The following ACOXL variants were observed in gnomAD, a reference collection of about 807,000 sequenced individuals.
ACOXL encodes acyl-CoA oxidase like.
Under a neutral mutation model 71.9 loss-of-function variants are expected in ACOXL, and 70 were observed. That is an observed-to-expected ratio of 0.97 (90% confidence interval 0.80 to 1.19). ACOXL has a LOEUF of 1.19. ACOXL is among the 50% of genes most tolerant of loss of function. The probability of loss-of-function intolerance (pLI) is 0.00; values close to 1 mark genes in which losing one functional copy is unlikely to be tolerated. For synonymous variants in ACOXL, 253 were observed against 281.6 expected, an observed-to-expected ratio of 0.90 and a Z score of 1.02; for missense variants, 703 against 736.3, an observed-to-expected ratio of 0.95 and a Z score of 0.52.
At chr2:110,859,076 G>C (rs1369648317) in intron 10 of ACOXL, among the ~76,000 whole-genome samples, 6 of 152,190 alleles carry the variant, frequency 3.9e-5, no homozygotes. Context: ...CTGCGTTTAG[G>C]ATACGTTCAA....
intron 16 of ACOXL, among the ~76,000 whole-genome samples, chr2:111,090,351 C>T (rs751835400): frequency 1.6e-4 from 24 of 152,134 alleles, no homozygotes; most frequent in Non-Finnish European, 3.1e-4. Context: ...GCTCCCATCT[C>T]TGGAACACAA....
At chr2:110,826,967 G>A (rs564525067) in intron 9 of ACOXL, among the ~76,000 whole-genome samples, 1 of 152,268 alleles carries the variant, frequency 6.6e-6, no homozygotes, top group East Asian at 1.9e-4. Context: ...GAGATGTGGT[G>A]TGGTGGCACC....
intron 1 of ACOXL, among the ~76,000 whole-genome samples, chr2:110,767,947 C>T (rs1390548446): frequency 6.7e-6 from 1 of 149,888 alleles, no homozygotes; most frequent in South Asian, 2.1e-4. Context: ...CACACACACA[C>T]ACACACACAC....
At chr2:110,832,831 T>A (rs1318413168) in intron 9 of ACOXL, among the ~76,000 whole-genome samples, 1 of 152,212 alleles carries the variant, frequency 6.6e-6, no homozygotes, top group African/African-American at 2.4e-5. Flanking sequence ...AAAAGATGTT[T>A]AACATCACTA....
At chr2:111,011,902 AAAAG>A (rs2064185799) in intron 14 of ACOXL, among the ~76,000 whole-genome samples, 2 of 132,772 alleles carry the variant, frequency 1.5e-5, no homozygotes, top group Non-Finnish European at 3.3e-5. Flanking sequence ...AAAAAAAAAA[AAAAG>A]GAGTGTATTA....
At chr2:111,108,620 G>T (rs1020006492) in intron 17 of ACOXL, among the ~76,000 whole-genome samples, 1 of 152,084 alleles carries the variant, frequency 6.6e-6, no homozygotes, top group African/African-American at 2.4e-5. Flanking sequence ...AGGTGATACC[G>T]CCCGCCTTGG....
chr2:111,028,398 T>G (rs188354322), intron 14 of ACOXL, among the ~76,000 whole-genome samples: 2 of 151,956 alleles, frequency 1.3e-5, no homozygotes, highest in Admixed American at 1.3e-4. Context: ...CTCAGCCCTC[T>G]GAGCTCCTCG....
intron 5 of ACOXL, 131 bp downstream of exon 5, chr2:110,794,305 C>G (rs568326355): frequency 7.4e-6 from 6 of 812,682 alleles, no homozygotes; most frequent in Non-Finnish European, 1.2e-5. Context: ...AGATTCAGAT[C>G]AAATGCCTAA....
intron 10 of ACOXL, among the ~76,000 whole-genome samples, chr2:110,903,404 T>G (rs2059321816): frequency 6.6e-6 from 1 of 152,242 alleles, no homozygotes; most frequent in South Asian, 2.1e-4. Context: ...GTTGCTGGAA[T>G]CTAGAAATAG....
At chr2:110,738,353 C>T (rs1278982187) in intron 1 of ACOXL, among the ~76,000 whole-genome samples, 1 of 152,188 alleles carries the variant, frequency 6.6e-6, no homozygotes, top group Non-Finnish European at 1.5e-5. Flanking sequence ...CATAGATAAC[C>T]AAAACAGTCT....
intron 16 of ACOXL, among the ~76,000 whole-genome samples, chr2:111,050,366 C>T (rs576377246): frequency 2.6e-5 from 4 of 152,066 alleles, no homozygotes; most frequent in Non-Finnish European, 4.4e-5. Flanking sequence ...GAGTCCTGGG[C>T]GTCTGATACA....
In ACOXL at chr2:110,982,381, G is replaced by C. The variant is rs114932962; in HGVS notation, c.1060-4727G>C. On this transcript the variant is annotated intron_variant, in intron 12 of 17. Transcript: ENST00000439055. ...TTCTCTCCCCGCTCCTTCTCCTCTC[G>C]TCTCTCCCCTCTCTTCCTCTCCTCT... Among the ~76,000 whole-genome samples, 584 of 151,374 alleles carry C rather than the reference G, an allele frequency of 3.9e-3. 3 individuals carry two copies. The highest frequency in any genetic ancestry group is 0.017 in the Middle Eastern group (5 of 294).
chr2:110,966,247 G>A (rs1437415738), intron 12 of ACOXL, among the ~76,000 whole-genome samples: 3 of 152,222 alleles, frequency 2.0e-5, no homozygotes, highest in Non-Finnish European at 4.4e-5. Flanking sequence ...AGCAAGGCCC[G>A]GTGGCGAATC....
At chr2:110,785,370 T>TGTG (rs1683828802) in intron 3 of ACOXL, among the ~76,000 whole-genome samples, 1 of 145,586 alleles carries the variant, frequency 6.9e-6, no homozygotes, top group African/African-American at 2.5e-5. Context: ...ATGCACTCAG[T>TGTG]TGTGTGTGTG....
intron 10 of ACOXL, among the ~76,000 whole-genome samples, chr2:110,906,661 A>G (rs925307061): frequency 6.6e-6 from 1 of 152,032 alleles, no homozygotes; most frequent in African/African-American, 2.4e-5. Context: ...GTTGTGGTCA[A>G]TCACTGCTTT....
chr2:110,820,090 C>T (rs750816661), intron 9 of ACOXL, among the ~76,000 whole-genome samples: 8 of 152,134 alleles, frequency 5.3e-5, no homozygotes, highest in Non-Finnish European at 1.2e-4. Flanking sequence ...GTGGTTATTT[C>T]CCAACATTCC....
At chr2:110,764,557 A>G (rs927753314) in intron 1 of ACOXL, among the ~76,000 whole-genome samples, 11 of 152,236 alleles carry the variant, frequency 7.2e-5, no homozygotes, top group African/African-American at 2.7e-4. Flanking sequence ...ACTCCGTATG[A>G]TACTATAATA....
chr2:110,855,313 T>TA (rs1164657189), intron 10 of ACOXL, among the ~76,000 whole-genome samples: 1 of 152,200 alleles, frequency 6.6e-6, no homozygotes, highest in Non-Finnish European at 1.5e-5. Context: ...TCATAGCCCC[T>TA]AAAATGGGTG....
intron 14 of ACOXL, among the ~76,000 whole-genome samples, chr2:111,024,424 G>C (rs2064920408): frequency 6.6e-6 from 1 of 152,134 alleles, no homozygotes; most frequent in African/African-American, 2.4e-5. Flanking sequence ...CAATGGGAGT[G>C]AAGCAGCTGC....
Sources: gnomAD v4.1 joint callset for allele counts (sites outside exome capture counted in the v4.1 genomes callset) on GRCh38, gnomAD v4.1.1 for gene constraint, MANE v1.5 for transcripts, NCBI Gene and HGNC (gene_info 2026-07-23, HGNC 2026-07-21) for gene names.